The following LDLRAD4 variants were observed in gnomAD, a reference collection of about 807,000 sequenced individuals.
The protein encoded by LDLRAD4 is low-density lipoprotein receptor class A domain-containing protein 4.
LDLRAD4 carries 5 observed loss-of-function variants against 17.0 expected under a neutral mutation model. The ratio of observed to expected loss-of-function variants is 0.29; its 90% CI spans 0.15 to 0.62. The LOEUF (loss-of-function observed/expected upper bound fraction) is 0.62. Ranked by LOEUF, LDLRAD4 falls within the 20% of genes least tolerant of loss-of-function variation. The pLI is 0.84. For missense variants in LDLRAD4, 340 were observed against 424.7 expected (o/e 0.80, Z 1.75); for synonymous variants, 168 against 171.8 (o/e 0.98, Z 0.17).
intron 4 of LDLRAD4, among the ~76,000 whole-genome samples, chr18:13,639,058 A>G (rs2148950587): frequency 6.6e-6 from 1 of 152,380 alleles, no homozygotes; most frequent in Middle Eastern, 3.4e-3. Context: ...TGAAGTTATT[A>G]ACAAAGTTTT....
chr18:13,333,911 A>G (rs927599133), intron 1 of LDLRAD4, among the ~76,000 whole-genome samples: 1 of 152,204 alleles, frequency 6.6e-6, no homozygotes, highest in African/African-American at 2.4e-5. Flanking sequence ...TGTAAATTTT[A>G]GAATCAGTTT....
At chr18:13,485,848 C>T (rs944075749) in intron 3 of LDLRAD4, among the ~76,000 whole-genome samples, 5 of 152,196 alleles carry the variant, frequency 3.3e-5, no homozygotes, top group Admixed American at 2.0e-4. Flanking sequence ...CACCACACTC[C>T]AGCCTGGGCG....
chr18:13,442,395 G>A (rs2091081149), intron 3 of LDLRAD4, among the ~76,000 whole-genome samples: 1 of 152,224 alleles, frequency 6.6e-6, no homozygotes, highest in Non-Finnish European at 1.5e-5. Flanking sequence ...CCTGGAGTAG[G>A]TGTGCTGGAT....
chr18:13,390,086 A>G (rs146831794), intron 2 of LDLRAD4, among the ~76,000 whole-genome samples: 2 of 152,212 alleles, frequency 1.3e-5, no homozygotes, highest in Non-Finnish European at 2.9e-5. Context: ...AGGTCAGGCT[A>G]ATGGGCTCTG....
chr18:13,584,510 G>A (rs1172505193), intron 3 of LDLRAD4, among the ~76,000 whole-genome samples: 1 of 152,114 alleles, frequency 6.6e-6, no homozygotes, highest in African/African-American at 2.4e-5. Flanking sequence ...GAGCTCATCC[G>A]TGTTGTTCCC....
intron 1 of LDLRAD4, among the ~76,000 whole-genome samples, chr18:13,301,611 G>A (rs1169124221): frequency 1.3e-5 from 2 of 151,964 alleles, no homozygotes; most frequent in Non-Finnish European, 2.9e-5. Context: ...AGCCAAGGGT[G>A]GTGGCACAAA....
chr18:13,579,210 AT>A (rs1210544364), intron 3 of LDLRAD4, among the ~76,000 whole-genome samples: 44 of 152,298 alleles, frequency 2.9e-4, no homozygotes, highest in African/African-American at 8.2e-4. Context: ...AATAAAAAAA[AT>A]ATAATGCTAT....
chr18:13,269,800 C>T (rs1192083439), intron 1 of LDLRAD4, among the ~76,000 whole-genome samples: 3 of 152,230 alleles, frequency 2.0e-5, no homozygotes, highest in Non-Finnish European at 4.4e-5. Context: ...TCAGTGTCCT[C>T]ACAGCCTTCT....
chr18:13,532,220 C>T (rs2094139508), intron 3 of LDLRAD4, among the ~76,000 whole-genome samples: 1 of 152,162 alleles, frequency 6.6e-6, no homozygotes, highest in South Asian at 2.1e-4. Flanking sequence ...CTGCAATTGC[C>T]TTCAGAGGGT....
chr18:13,405,226 C>T (rs914335137), intron 2 of LDLRAD4, among the ~76,000 whole-genome samples: 1 of 152,048 alleles, frequency 6.6e-6, no homozygotes, highest in Non-Finnish European at 1.5e-5. Context: ...TCTCTTTAGT[C>T]TCCACAGTGA....
intron 1 of LDLRAD4, among the ~76,000 whole-genome samples, chr18:13,338,935 G>T (rs1381338654): frequency 6.6e-6 from 1 of 152,186 alleles, no homozygotes; most frequent in African/African-American, 2.4e-5. Context: ...GGGTTGGAAG[G>T]AGGGAAAAGA....
intron 3 of LDLRAD4, among the ~76,000 whole-genome samples, chr18:13,501,969 CT>C (rs2093622001): frequency 6.6e-6 from 1 of 152,186 alleles, no homozygotes; most frequent in Non-Finnish European, 1.5e-5. Flanking sequence ...GGCTTCAGAC[CT>C]CTTTGAAATT....
chr18:13,298,398 C>T (rs2046388354), intron 1 of LDLRAD4, among the ~76,000 whole-genome samples: 1 of 147,564 alleles, frequency 6.8e-6, no homozygotes, highest in African/African-American at 2.5e-5. Flanking sequence ...CTGCTGTGGG[C>T]ATGGTGATGG....
intron 1 of LDLRAD4, among the ~76,000 whole-genome samples, chr18:13,341,095 A>G (rs2082349336): frequency 1.3e-5 from 2 of 152,030 alleles, no homozygotes; most frequent in African/African-American, 4.8e-5. Flanking sequence ...GTCTGTCTTT[A>G]TGCCAGTATC....
intron 3 of LDLRAD4, among the ~76,000 whole-genome samples, chr18:13,584,672 T>C (rs1381705107): frequency 6.6e-6 from 1 of 152,146 alleles, no homozygotes; most frequent in Non-Finnish European, 1.5e-5. Flanking sequence ...TACCACTTCT[T>C]ATTGTGCTTA....
intron 1 of LDLRAD4, among the ~76,000 whole-genome samples, chr18:13,342,645 C>T (rs987801573): frequency 2.0e-5 from 3 of 151,466 alleles, no homozygotes; most frequent in Admixed American, 6.6e-5. Context: ...TTAGTATAGC[C>T]ACCACTGCTC....
At chr18:13,501,630 C>T (rs2147291976) in intron 3 of LDLRAD4, among the ~76,000 whole-genome samples, 1 of 151,654 alleles carries the variant, frequency 6.6e-6, no homozygotes, top group Middle Eastern at 3.4e-3. Flanking sequence ...GAAAAGTCTG[C>T]CAGCCAGGTG....
Position 13,415,699 on chromosome 18 carries a change from C to T in LDLRAD4, c.41-22545C>T, listed in dbSNP as rs1437605646. Among the ~76,000 whole-genome samples, 5 of 152,198 alleles carry T rather than the reference C, an allele frequency of 3.3e-5. No individual in the cohort carries two copies. The East Asian group carries it at 5.8e-4, about 18-fold the overall frequency. ...CCCCCCAGGACGGTCCCTTGCAAAC[C>T]CTTGCAGTCCGCCATATCCATCTTT... On this transcript the variant is annotated intron_variant, in intron 2 of 5. Transcript: ENST00000359446.
intron 3 of LDLRAD4, among the ~76,000 whole-genome samples, chr18:13,497,439 A>G (rs1374074698): frequency 2.0e-5 from 3 of 151,562 alleles, no homozygotes; most frequent in African/African-American, 7.3e-5. Flanking sequence ...TCGGCCTCCC[A>G]AAGTGCTGGG....
Sources: gnomAD v4.1 joint callset for allele counts (sites outside exome capture counted in the v4.1 genomes callset) on GRCh38, gnomAD v4.1.1 for gene constraint, MANE v1.5 for transcripts, NCBI Gene and HGNC (gene_info 2026-07-23, HGNC 2026-07-21) for gene names.